NDST4: variants seen among roughly 807,000 people sequenced by gnomAD.
NDST4 encodes the protein N-heparan sulfate sulfotransferase 4.
Under a neutral mutation model 100.8 loss-of-function variants are expected in NDST4, and 63 were observed. The observed-to-expected ratio is 0.62, with a 90% CI of 0.51 to 0.77. NDST4 has a LOEUF of 0.77. Ranked by LOEUF, NDST4 falls within the 30% of genes least tolerant of loss-of-function variation. NDST4 has a pLI of 0.00. For missense variants in NDST4, 943 were observed against 1,018.4 expected (o/e 0.93, Z 1.01); for synonymous variants, 377 against 361.8 (o/e 1.04, Z -0.48).
chr4:115,105,551 G>C (rs1161857354), intron 1 of NDST4, among the ~76,000 whole-genome samples: 4 of 152,092 alleles, frequency 2.6e-5, no homozygotes, highest in African/African-American at 9.7e-5. Flanking sequence ...GCTGGATTTA[G>C]GTGGGCCAAG....
chr4:115,093,536 A>G (rs1729564068), intron 1 of NDST4, among the ~76,000 whole-genome samples: 1 of 152,094 alleles, frequency 6.6e-6, no homozygotes, highest in South Asian at 2.1e-4. Flanking sequence ...GGTCTAAAAG[A>G]CATATGCAAA....
At chr4:114,881,128 G>C (rs144315607) in intron 6 of NDST4, among the ~76,000 whole-genome samples, 1 of 152,172 alleles carries the variant, frequency 6.6e-6, no homozygotes, top group Non-Finnish European at 1.5e-5. Flanking sequence ...TTTGAGTAGG[G>C]AGGGATCATA....
chr4:115,087,688 C>A (rs913513598), intron 1 of NDST4, among the ~76,000 whole-genome samples: 5 of 151,606 alleles, frequency 3.3e-5, no homozygotes, highest in Admixed American at 2.0e-4. Context: ...CAAAGGATGA[C>A]TGAGGAAATA....
chr4:115,001,613 T>C (rs1443826012), intron 2 of NDST4, among the ~76,000 whole-genome samples: 1 of 151,844 alleles, frequency 6.6e-6, no homozygotes, highest in African/African-American at 2.4e-5. Context: ...ATATAATAAT[T>C]ATACGCTCCA....
intron 2 of NDST4, among the ~76,000 whole-genome samples, chr4:115,000,569 A>C (rs1253580832): frequency 6.6e-6 from 1 of 152,140 alleles, no homozygotes; most frequent in Non-Finnish European, 1.5e-5. Flanking sequence ...CTAAAACTAC[A>C]TGAGGCAAAT....
At chr4:114,944,407 G>C (rs186844075) in intron 4 of NDST4, among the ~76,000 whole-genome samples, 1 of 151,772 alleles carries the variant, frequency 6.6e-6, no homozygotes, top group Admixed American at 6.6e-5. Flanking sequence ...ATCTTTTTTC[G>C]CCTCTTCCCC....
chr4:114,924,696 G>A (rs566005768), intron 6 of NDST4, among the ~76,000 whole-genome samples: 3 of 152,098 alleles, frequency 2.0e-5, no homozygotes, highest in Non-Finnish European at 4.4e-5. Flanking sequence ...TTCCGGAGAG[G>A]GGCTAGGGGA....
At position 115,092,604 on chromosome 4, in the gene NDST4, T is replaced by G. The variant is rs186322536; in HGVS notation, c.-246-15322A>C. Among the ~76,000 whole-genome samples, 764 of 151,978 alleles carry G rather than the reference T, an allele frequency of 5.0e-3. 1 individual carries two copies. Among genetic ancestry groups the G allele is most frequent in the Non-Finnish European group, 8.4e-3 (570 of 67,918 alleles). The stretch of plus-strand genomic sequence containing the variant: ...TACTAAGGGAATAAATGGAGTAAAA[T>G]GTTCTAGAAATGCTGTATTTTCTGC... On this transcript the variant is annotated intron_variant, in intron 1 of 13. Coordinates refer to ENST00000264363, the MANE Select transcript of NDST4 (RefSeq NM_022569.3).
At chr4:114,879,977 G>GA (rs1270653127) in intron 6 of NDST4, among the ~76,000 whole-genome samples, 3 of 152,142 alleles carry the variant, frequency 2.0e-5, no homozygotes, top group East Asian at 3.9e-4. Context: ...TTTGGTTAGT[G>GA]CATTATTAAC....
chr4:115,104,352 C>T (rs2127460), intron 1 of NDST4, among the ~76,000 whole-genome samples: 82,395 of 151,856 alleles, frequency 0.54, 22,825 homozygotes, highest in Non-Finnish European at 0.58. Flanking sequence ...AGGAAGGTTT[C>T]TTGTGTTTAC....
chr4:114,887,869 T>C (rs938062422), intron 6 of NDST4, among the ~76,000 whole-genome samples: 2 of 152,184 alleles, frequency 1.3e-5, no homozygotes, highest in African/African-American at 4.8e-5. Flanking sequence ...CTTCACTGTC[T>C]TTAATGATAG....
At chr4:114,979,711 G>C (rs947913705) in intron 2 of NDST4, among the ~76,000 whole-genome samples, 1 of 151,884 alleles carries the variant, frequency 6.6e-6, no homozygotes, top group Non-Finnish European at 1.5e-5. Context: ...CAGATGGGGG[G>C]CTAGTTAGCT....
At chr4:114,867,452 T>C (rs1329205179) in intron 7 of NDST4, among the ~76,000 whole-genome samples, 1 of 151,752 alleles carries the variant, frequency 6.6e-6, no homozygotes, top group Non-Finnish European at 1.5e-5. Flanking sequence ...ATTCTCCTAG[T>C]CACACAGAAA....
At chr4:114,879,168 T>C (rs956953310) in intron 6 of NDST4, among the ~76,000 whole-genome samples, 5 of 152,300 alleles carry the variant, frequency 3.3e-5, no homozygotes, top group Admixed American at 3.3e-4. Flanking sequence ...CCTTTCTTTG[T>C]GATGAGTACA....
chr4:114,986,484 G>A (rs1418967911), intron 2 of NDST4, among the ~76,000 whole-genome samples: 1 of 151,918 alleles, frequency 6.6e-6, no homozygotes, highest in Admixed American at 6.6e-5. Flanking sequence ...TTGGCATTCT[G>A]GTTCTCTCCC....
chr4:114,887,401 A>G (rs1332531221), intron 6 of NDST4, among the ~76,000 whole-genome samples: 1 of 152,194 alleles, frequency 6.6e-6, no homozygotes, highest in Non-Finnish European at 1.5e-5. Context: ...TGAAGATTAT[A>G]ATGCTGAAGA....
At chr4:114,938,523 T>C (rs1374583774) in intron 4 of NDST4, among the ~76,000 whole-genome samples, 1 of 152,208 alleles carries the variant, frequency 6.6e-6, no homozygotes, top group African/African-American at 2.4e-5. Flanking sequence ...GGATTGAATC[T>C]CATCAATTGA....
chr4:114,895,165 GAA>G (rs1452674999), intron 6 of NDST4, among the ~76,000 whole-genome samples: 2 of 151,730 alleles, frequency 1.3e-5, no homozygotes, highest in Non-Finnish European at 2.9e-5. Context: ...ATAGAGACTT[GAA>G]AAACCATCCA....
chr4:115,065,201 C>T (rs1728921278), intron 2 of NDST4, among the ~76,000 whole-genome samples: 1 of 152,028 alleles, frequency 6.6e-6, no homozygotes, highest in Non-Finnish European at 1.5e-5. Flanking sequence ...GTCTATCTTA[C>T]CGGCCAAACT....
Sources: allele counts gnomAD v4.1 joint callset (sites outside exome capture counted in the v4.1 genomes callset), GRCh38; gene constraint gnomAD v4.1.1; transcripts MANE v1.5; gene names NCBI Gene and HGNC (gene_info 2026-07-23, HGNC 2026-07-21).